CNN3: variants seen among roughly 807,000 people sequenced by gnomAD.
CNN3 encodes the protein calponin-3.
CNN3 carries 11 observed loss-of-function variants against 39.0 expected under a neutral mutation model. That is an observed-to-expected ratio of 0.28 (90% CI 0.18 to 0.47). The LOEUF is 0.47. CNN3 is among the 20% of genes least tolerant of loss of function. CNN3 has a pLI of 0.99. For missense variants in CNN3, 266 were observed against 403.4 expected (o/e 0.66, Z 2.92); for synonymous variants, 101 against 138.3 (o/e 0.73, Z 1.89).
chr1:94,919,469 G>C lies in CNN3; in HGVS notation c.57+7369C>G, dbSNP rs1472135763. Reference sequence around the variant, plus strand: ...ACAGAGACTTGCTACACATGGTATTGATTGTTTTCTCTCCTATTTCCTCCC... The same window carrying C: ...ACAGAGACTTGCTACACATGGTATTCATTGTTTTCTCTCCTATTTCCTCCC... On this transcript the variant is annotated intron_variant, in intron 1 of 6. Transcript: ENST00000370206. Among the ~76,000 whole-genome samples the C allele has an allele frequency of 2.6e-5, 4 of 152,212 alleles. 1 individual carries two copies. Among genetic ancestry groups the C allele is most frequent in the Non-Finnish European group, 5.9e-5 (4 of 68,040 alleles).
At position 94,926,881 on chromosome 1, in the gene CNN3, T is replaced by C; in HGVS notation, c.14A>G (p.Asn5Ser). ...CGAGAGCCCATAGGAAGGGCCCTTGTTGAAGTGGGTCATGGTGGTTCGGGC... is the reference window on the plus strand; with the variant it reads ...CGAGAGCCCATAGGAAGGGCCCTTGCTGAAGTGGGTCATGGTGGTTCGGGC... MTHFNKGPSYGLSAE... is the reference protein window; with the variant it reads MTHFSKGPSYGLSAE... Residue 5 changes from asparagine (N) to serine (S), a missense_variant, in exon 1 of 7, where the codon AAC (asparagine) becomes AGC (serine). By Grantham distance (46) the Asn-to-Ser change is conservative. Coordinates refer to ENST00000370206, the MANE Select transcript of CNN3 (RefSeq NM_001839.5). This position sits in a 1 kb window ranked among gnomAD's most constrained non-coding sequence, Gnocchi z 4.2. 1.2e-6 allele frequency: 2 copies of C among 1,610,652 alleles called. No homozygotes were observed. The highest frequency in any genetic ancestry group is 1.7e-6 in the Non-Finnish European group (2 of 1,178,302).
At chr1:94,905,461 C>T (rs759996885) in intron 1 of CNN3, among the ~76,000 whole-genome samples, 15 of 152,128 alleles carry the variant, frequency 9.9e-5, no homozygotes, top group Admixed American at 6.6e-4. Flanking sequence ...CTCCCCGCCA[C>T]GCCAAGGCAT....
chr1:94,914,286 T>A (rs1354433365), intron 1 of CNN3, among the ~76,000 whole-genome samples: 1 of 152,160 alleles, frequency 6.6e-6, no homozygotes, highest in Non-Finnish European at 1.5e-5. Flanking sequence ...TTCTGTAGTT[T>A]CAGAATGTAC....
intron 1 of CNN3, among the ~76,000 whole-genome samples, chr1:94,921,295 TA>T (rs1671435520): frequency 1.3e-5 from 2 of 152,094 alleles, no homozygotes; most frequent in East Asian, 3.9e-4. Context: ...CTCGGGAGGC[TA>T]AGCCAGGAGA....
intron 1 of CNN3, among the ~76,000 whole-genome samples, chr1:94,907,702 T>C (rs955102582): frequency 2.6e-5 from 4 of 152,044 alleles, no homozygotes; most frequent in Non-Finnish European, 5.9e-5. Context: ...CTGCTAAAAA[T>C]ACAAAAAATT....
At chr1:94,913,578 AC>A (rs1315599876) in intron 1 of CNN3, among the ~76,000 whole-genome samples, 2 of 152,244 alleles carry the variant, frequency 1.3e-5, no homozygotes, top group African/African-American at 4.8e-5. Flanking sequence ...CTGAAGGGAC[AC>A]TGATAAGCTG....
chr1:94,917,841 C>T (rs1376070325), intron 1 of CNN3, among the ~76,000 whole-genome samples: 1 of 152,176 alleles, frequency 6.6e-6, no homozygotes, highest in African/African-American at 2.4e-5. Context: ...AGAAGTGGTT[C>T]TCATAAGCAA....
chr1:94,922,067 A>C (rs1166758893), intron 1 of CNN3, among the ~76,000 whole-genome samples: 1 of 152,162 alleles, frequency 6.6e-6, no homozygotes, highest in Non-Finnish European at 1.5e-5. Context: ...AAATAATCCC[A>C]AAATCAGCAG....
chr1:94,902,698 G>C (rs1670899578), intron 3 of CNN3, among the ~76,000 whole-genome samples: 1 of 152,118 alleles, frequency 6.6e-6, no homozygotes, highest in African/African-American at 2.4e-5. Context: ...TTCAAGACCA[G>C]TAAGTATCCC....
chr1:94,901,191 T>G (rs1343288115), intron 5 of CNN3, among the ~76,000 whole-genome samples: 2 of 151,918 alleles, frequency 1.3e-5, no homozygotes, highest in African/African-American at 4.8e-5. Flanking sequence ...CTATCTCTAC[T>G]AAAACTACAA....
intron 1 of CNN3, among the ~76,000 whole-genome samples, chr1:94,924,664 CAG>C (rs1313954284): frequency 1.3e-5 from 2 of 152,186 alleles, no homozygotes; most frequent in East Asian, 3.9e-4. Context: ...CGACAGACAG[CAG>C]AGTTTGTGTA....
chr1:94,911,397 T>A (rs1217954930), intron 1 of CNN3, among the ~76,000 whole-genome samples: 1 of 152,200 alleles, frequency 6.6e-6, no homozygotes, highest in Non-Finnish European at 1.5e-5. Context: ...CCAGCACAAA[T>A]TTTTCCCCTC....
At chr1:94,910,067 T>G (rs1671119445) in intron 1 of CNN3, among the ~76,000 whole-genome samples, 1 of 152,218 alleles carries the variant, frequency 6.6e-6, no homozygotes, top group South Asian at 2.1e-4. Context: ...TTCCTGGTTA[T>G]TGTCCCCAGT....
chr1:94,919,576 G>A (rs1166894706), intron 1 of CNN3, among the ~76,000 whole-genome samples: 2 of 152,122 alleles, frequency 1.3e-5, no homozygotes, highest in Admixed American at 6.5e-5. Flanking sequence ...AACATTAAGG[G>A]TGAGAAGCTG....
intron 1 of CNN3, among the ~76,000 whole-genome samples, chr1:94,908,979 TAAA>T (rs58396959): frequency 4.0e-4 from 54 of 134,402 alleles, no homozygotes; most frequent in African/African-American, 5.8e-4. Context: ...CCCGTCTCTT[TAAA>T]AAAAAAAAAA....
At chr1:94,916,990 TGATAA>T (rs1405386076) in intron 1 of CNN3, among the ~76,000 whole-genome samples, 10 of 152,344 alleles carry the variant, frequency 6.6e-5, no homozygotes, top group Middle Eastern at 3.4e-3. Context: ...ATAGCCATTT[TGATAA>T]GATATCATTT....
chr1:94,903,722 A>G (rs1158009246), intron 1 of CNN3, among the ~76,000 whole-genome samples, 198 bp from the exon 2 acceptor site: 4 of 152,224 alleles, frequency 2.6e-5, no homozygotes, highest in Admixed American at 2.0e-4. Context: ...AGACCGTGTC[A>G]TACAAAATTT....
rs1671590071 is a variant in CNN3 at position 94,926,610 on chromosome 1, GTCC to G, written c.57+225_57+227del. The stretch of plus-strand genomic sequence containing the variant: ...CCCGGGAACCCACCGCCAGCCACTA[GTCC>G]TGTCCCACGGCGCGGGAACAAAGCC... On this transcript the variant is annotated intron_variant, in intron 1 of 6. Coordinates refer to ENST00000370206, the MANE Select transcript of CNN3 (RefSeq NM_001839.5). This position sits in a 1 kb window ranked among gnomAD's most constrained non-coding sequence, Gnocchi z 4.2. Among the ~76,000 whole-genome samples, 1 of 152,178 alleles carries G rather than the reference GTCC, an allele frequency of 6.6e-6. No individual in the cohort carries two copies. Among genetic ancestry groups the G allele is most frequent in the Non-Finnish European group, 1.5e-5 (1 of 68,014 alleles).
chr1:94,897,605 T>C lies in CNN3; in HGVS notation c.*137A>G. The C allele has an allele frequency of 1.4e-6, 1 of 739,244 alleles. No individual in the cohort carries two copies. Among genetic ancestry groups the C allele is most frequent in the Non-Finnish European group, 2.2e-6 (1 of 459,338 alleles). The allele number at this position is 739,244 out of a possible 1,614,324, so 45.8% of individuals were successfully genotyped here. A position where few individuals can be genotyped will look rare whatever the true frequency, so the allele number is the denominator to read the frequency against. On this transcript the variant is annotated 3_prime_UTR_variant, in exon 7 of 7. Coordinates refer to ENST00000370206, the MANE Select transcript of CNN3 (RefSeq NM_001839.5). Reference sequence around the variant, plus strand: ...GAGGCAGAAAAAGGAAAAAGGAATGTACGTAAGGCAATTTTTCTTAAAAGT... The same window carrying C: ...GAGGCAGAAAAAGGAAAAAGGAATGCACGTAAGGCAATTTTTCTTAAAAGT...
Sources: gnomAD v4.1 joint callset for allele counts (sites outside exome capture counted in the v4.1 genomes callset) on GRCh38, gnomAD v4.1.1 for gene constraint, Gnocchi (gnomAD v3.1) non-coding constraint, MANE v1.5 for transcripts, NCBI Gene and HGNC (gene_info 2026-07-23, HGNC 2026-07-21) for gene names.